OR6Q1: variants seen among roughly 807,000 people sequenced by gnomAD.
The protein encoded by OR6Q1 is olfactory receptor family 6 subfamily Q member 1.
For synonymous variants in OR6Q1, 144 were observed against 148.9 expected (o/e 0.97, Z 0.24); for missense variants, 387 against 381.7 (o/e 1.01, Z -0.12).
chr11:58,031,853 G>T lies in OR6Q1; in HGVS notation c.901G>T (p.Val301Leu), dbSNP rs1853044533. 6.2e-7 allele frequency: 1 copy of T among 1,614,052 alleles called. No homozygotes were observed. Among genetic ancestry groups the T allele is most frequent in the Non-Finnish European group, 8.5e-7 (1 of 1,180,000 alleles). The change falls in exon 1 of 1, where the codon GTG becomes TTG. Residue 301 changes from valine to leucine, a missense_variant. Val to Leu is a conservative substitution (Grantham distance 32). Coordinates refer to ENST00000302622, the MANE Select transcript of OR6Q1 (RefSeq NM_001005186.2). ...CATCTACAGTCTTAGGAACAAGGAA[G>T]TGAAGGGAGCTCTGGGTCGAGTCTT... ...PLIYSLRNKEVKGALGRVFSL... is the reference protein window; with the variant it reads ...PLIYSLRNKELKGALGRVFSL...
rs528605468 is a variant in OR6Q1 at position 58,031,528 on chromosome 11, G to A, written c.576G>A (p.Ser192=). Residue 192 remains serine (S), a synonymous_variant, in exon 1 of 1, where the codon TCG becomes TCA. Transcript: ENST00000302622. ...SCDASPLLAL[S]CSDVTWKETV... ...ATGCCTCACCCTTGCTAGCCTTGTC[G>A]TGCTCAGATGTCACTTGGAAGGAGA... The A allele has an allele frequency of 8.8e-5, 142 of 1,613,996 alleles. No individual in the cohort carries two copies. Among genetic ancestry groups the A allele is most frequent in the South Asian group, 1.1e-4 (10 of 91,070 alleles).
chr11:58,031,669 G>A lies in OR6Q1; in HGVS notation c.717G>A (p.Trp239Ter). The stretch of plus-strand genomic sequence containing the variant: ...ACATCCGCTCAGCTGCTGAGCGCTG[G>A]AAGGCCTTCTCTACCTGTGCAGCTC... ...LLHIRSAAER[W>*]KAFSTCAAHL... The change falls in exon 1 of 1, where the codon TGG becomes TGA. Residue 239 changes from tryptophan to a stop codon, truncating the protein, a stop_gained. Transcript: ENST00000302622. LOFTEE classifies it low-confidence loss of function (END_TRUNC). 1 of 1,613,928 alleles carries A rather than the reference G, an allele frequency of 6.2e-7. No individual in the cohort carries two copies. Among genetic ancestry groups the A allele is most frequent in the Non-Finnish European group, 8.5e-7 (1 of 1,179,864 alleles).
In OR6Q1 at chr11:58,031,708, G is replaced by A. The variant is rs764133566; in HGVS notation, c.756G>A (p.Val252=). The A allele has an allele frequency of 6.2e-7, 1 of 1,614,028 alleles. No homozygotes were observed. The highest frequency in any genetic ancestry group is 2.2e-5 in the East Asian group (1 of 44,880). Residue 252 remains valine (V), a synonymous_variant, in exon 1 of 1, where the codon GTG becomes GTA. Transcript: ENST00000302622. ...CCTGTGCAGCTCACCTGACTGTGGT[G>A]AGCCTCTTCTATGGCACTCTTTTCT... is the stretch of plus-strand genomic sequence containing the variant. ...FSTCAAHLTV[V]SLFYGTLFFM...
rs1235475968 is a variant in OR6Q1 at position 58,031,272 on chromosome 11, T to TCTTCAC, written c.324_329dup (p.Thr109_Phe110dup). On this transcript the variant is annotated inframe_insertion, in exon 1 of 1. Transcript: ENST00000302622. ...GCTGATTGCCTATCCCAGCTCTTCATCTTCACCTTTCTTGGGGCAACTGAG... is the reference window on the plus strand; with the variant it reads ...GCTGATTGCCTATCCCAGCTCTTCATCTTCACCTTCACCTTTCTTGGGGCAACTGAG... 8 of 1,614,042 alleles carry TCTTCAC rather than the reference T, an allele frequency of 5.0e-6. No homozygotes were observed. Among genetic ancestry groups the TCTTCAC allele is most frequent in the Admixed American group, 1.7e-5 (1 of 60,004 alleles).
chr11:58,031,753 G>C lies in OR6Q1; in HGVS notation c.801G>C (p.Lys267Asn). ...TTTTCTTTATGTATGTCCAGACCAA[G>C]GTGACCTCCTCCATCAACTTCAACA... ...GTLFFMYVQT[K>N]VTSSINFNKV... Residue 267 changes from lysine (K) to asparagine (N), a missense_variant, in exon 1 of 1, where the codon AAG (lysine) becomes AAC (asparagine). Lys to Asn is a moderately conservative substitution (Grantham distance 94). Transcript: ENST00000302622. 1 of 1,614,056 alleles carries C rather than the reference G, an allele frequency of 6.2e-7. No homozygotes were observed. Among genetic ancestry groups the C allele is most frequent in the East Asian group, 2.2e-5 (1 of 44,870 alleles).
chr11:58,031,236 A>G lies in OR6Q1; in HGVS notation c.284A>G (p.Asn95Ser), dbSNP rs759571152. The change falls in exon 1 of 1, where the codon AAT becomes AGT. Residue 95 changes from asparagine to serine, a missense_variant. Physicochemically the swap from Asn to Ser is conservative, Grantham distance 46. Transcript: ENST00000302622. ...AGFIGVDGGK[N>S]ISYADCLSQL... Reference sequence around the variant, plus strand: ...TTTATTGGGGTGGATGGTGGCAAGAATATCTCTTATGCTGATTGCCTATCC... The same window carrying G: ...TTTATTGGGGTGGATGGTGGCAAGAGTATCTCTTATGCTGATTGCCTATCC... 6.2e-7 allele frequency: 1 copy of G among 1,614,050 alleles called. No individual in the cohort carries two copies. Among genetic ancestry groups the G allele is most frequent in the African/African-American group, 1.3e-5 (1 of 74,928 alleles).
chr11:58,031,374 C>T lies in OR6Q1; in HGVS notation c.422C>T (p.Ser141Phe), dbSNP rs756655181. ...CMPLHYGAFV[S>F]WGTCIRLAAA... ...CCTCTCCACTATGGGGCTTTTGTGT[C>T]CTGGGGCACCTGCATCCGTCTGGCA... is the stretch of plus-strand genomic sequence containing the variant. Residue 141 changes from serine to phenylalanine, a missense_variant, in exon 1 of 1, where the codon TCC becomes TTC. Transcript: ENST00000302622. The T allele has an allele frequency of 1.7e-5, 27 of 1,614,128 alleles. No individual in the cohort carries two copies. Among genetic ancestry groups the T allele is most frequent in the Non-Finnish European group, 2.2e-5 (26 of 1,180,006 alleles).
rs768143173 is a variant in OR6Q1, at chr11:58,031,282, T to C, written c.330T>C (p.Phe110=). ...DCLSQLFIFT[F]LGATECFLLA... ...TATCCCAGCTCTTCATCTTCACCTT[T>C]CTTGGGGCAACTGAGTGTTTCCTAC... Residue 110 remains phenylalanine (F), a synonymous_variant, in exon 1 of 1, where the codon TTT becomes TTC. Coordinates refer to ENST00000302622, the MANE Select transcript of OR6Q1 (RefSeq NM_001005186.2). 1 of 1,614,040 alleles carries C rather than the reference T, an allele frequency of 6.2e-7. No individual in the cohort carries two copies. The highest frequency in any genetic ancestry group is 8.5e-7 in the Non-Finnish European group (1 of 1,180,018).
chr11:58,031,617 A>G lies in OR6Q1; in HGVS notation c.665A>G (p.Tyr222Cys), dbSNP rs529254367. The G allele has an allele frequency of 4.3e-6, 7 of 1,611,960 alleles. No individual in the cohort carries two copies. The highest frequency in any genetic ancestry group is 2.2e-5 in the East Asian group (1 of 44,860). The change falls in exon 1 of 1, where the codon TAT becomes TGT. Residue 222 changes from tyrosine (Y) to cysteine (C), a missense_variant. Coordinates refer to ENST00000302622, the MANE Select transcript of OR6Q1 (RefSeq NM_001005186.2). ...TCCTCTATGGTCATTGCTGTGTCCT[A>G]TGGCAACATCGTCTGGACACTGCTG... ...LASSMVIAVS[Y>C]GNIVWTLLHI...
Position 58,030,980 on chromosome 11 carries a change from C to T in OR6Q1, c.28C>T (p.Gln10Ter), listed in dbSNP as rs772612832. Residue 10 changes from glutamine (Q) to a stop codon, truncating the protein, a stop_gained, in exon 1 of 1, where the codon CAG becomes TAG. Coordinates refer to ENST00000302622, the MANE Select transcript of OR6Q1 (RefSeq NM_001005186.2). LOFTEE classifies it low-confidence loss of function (END_TRUNC). The part of the protein sequence containing the change: MQPYTKNWT[Q>*]VTEFVMMGFA... ...GCAACCATATACCAAAAACTGGACC[C>T]AGGTAACTGAATTTGTCATGATGGG... is the stretch of plus-strand genomic sequence containing the variant. The T allele has an allele frequency of 6.2e-7, 1 of 1,613,992 alleles. No individual in the cohort carries two copies. The highest frequency in any genetic ancestry group is 8.5e-7 in the Non-Finnish European group (1 of 1,179,854).
Position 58,031,695 on chromosome 11 carries a change from AC to A in OR6Q1, c.745del (p.Leu249Ter). The A allele has an allele frequency of 6.2e-7, 1 of 1,613,972 alleles. No individual in the cohort carries two copies. Among genetic ancestry groups the A allele is most frequent in the African/African-American group, 1.3e-5 (1 of 75,010 alleles). On this transcript the variant is annotated frameshift_variant, in exon 1 of 1. Coordinates refer to ENST00000302622, the MANE Select transcript of OR6Q1 (RefSeq NM_001005186.2). LOFTEE classifies it low-confidence loss of function (END_TRUNC). ...RWKAFSTCAA[H>X]LTVVSLFYGT... ...AAGGCCTTCTCTACCTGTGCAGCTC[AC>A]CTGACTGTGGTGAGCCTCTTCTATG...
chr11:58,031,287 G>T lies in OR6Q1; in HGVS notation c.335G>T (p.Gly112Val). The part of the protein sequence containing the change: ...LSQLFIFTFL[G>V]ATECFLLAAM... ...CAGCTCTTCATCTTCACCTTTCTTG[G>T]GGCAACTGAGTGTTTCCTACTGGCT... Residue 112 changes from glycine (G) to valine (V), a missense_variant, in exon 1 of 1, where the codon GGG becomes GTG. Transcript: ENST00000302622. 6.2e-7 allele frequency: 1 copy of T among 1,613,914 alleles called. No individual in the cohort carries two copies. The highest frequency in any genetic ancestry group is 8.5e-7 in the Non-Finnish European group (1 of 1,179,960).
chr11:58,031,027 A>G lies in OR6Q1; in HGVS notation c.75A>G (p.Ala25=). ...TGGGCTTTGCTGGCATCCATGAAGC[A>G]CACCTCCTCTTCTTCATACTCTTCC... ...VMMGFAGIHE[A]HLLFFILFLT... Residue 25 remains alanine, a synonymous_variant, in exon 1 of 1, where the codon GCA becomes GCG. Transcript: ENST00000302622. 6.2e-7 allele frequency: 1 copy of G among 1,614,162 alleles called. No homozygotes were observed. The highest frequency in any genetic ancestry group is 1.1e-5 in the South Asian group (1 of 91,080).
Position 58,031,464 on chromosome 11 carries a change from C to G in OR6Q1, c.512C>G (p.Thr171Arg). 1 of 1,614,170 alleles carries G rather than the reference C, an allele frequency of 6.2e-7. No individual in the cohort carries two copies. The highest frequency in any genetic ancestry group is 8.5e-7 in the Non-Finnish European group (1 of 1,180,016). ...CCAATCTACCTCTTGTCTCAGCTAA[C>G]ATTTTATGGCCCAAATGTCATTGAC... ...ILPIYLLSQL[T>R]FYGPNVIDHF... The change falls in exon 1 of 1, where the codon ACA becomes AGA. Residue 171 changes from threonine (T) to arginine (R), a missense_variant. Thr to Arg is a moderately conservative substitution (Grantham distance 71, BLOSUM62 -1). Transcript: ENST00000302622.
rs779879692 is a variant in OR6Q1, at chr11:58,031,472, G to A, written c.520G>A (p.Gly174Ser). The A allele has an allele frequency of 6.2e-6, 10 of 1,613,946 alleles. No homozygotes were observed. Among genetic ancestry groups the A allele is most frequent in the East Asian group, 4.5e-5 (2 of 44,886 alleles). Residue 174 changes from glycine to serine, a missense_variant, in exon 1 of 1, where the codon GGC becomes AGC. Gly to Ser is a moderately conservative substitution (Grantham distance 56). Transcript: ENST00000302622. ...CCTCTTGTCTCAGCTAACATTTTAT[G>A]GCCCAAATGTCATTGACCATTTCTC... ...IYLLSQLTFYGPNVIDHFSCD... is the reference protein window; with the variant it reads ...IYLLSQLTFYSPNVIDHFSCD...
At position 58,031,604 on chromosome 11, in the gene OR6Q1, A is replaced by G; in HGVS notation, c.652A>G (p.Ile218Val). 1 of 1,613,748 alleles carries G rather than the reference A, an allele frequency of 6.2e-7. No homozygotes were observed. The highest frequency in any genetic ancestry group is 8.5e-7 in the Non-Finnish European group (1 of 1,179,874). The change falls in exon 1 of 1, where the codon ATT becomes GTT. Residue 218 changes from isoleucine to valine, a missense_variant. Transcript: ENST00000302622. ...TGTGCTACTGGCCTCCTCTATGGTCATTGCTGTGTCCTATGGCAACATCGT... is the reference window on the plus strand; with the variant it reads ...TGTGCTACTGGCCTCCTCTATGGTCGTTGCTGTGTCCTATGGCAACATCGT... ...LAVLLASSMVIAVSYGNIVWT... is the reference protein window; with the variant it reads ...LAVLLASSMVVAVSYGNIVWT...
Position 58,031,496 on chromosome 11 carries a change from T to G in OR6Q1, c.544T>G (p.Ser182Ala), listed in dbSNP as rs1210412726. The G allele has an allele frequency of 6.2e-7, 1 of 1,614,062 alleles. No individual in the cohort carries two copies. Among genetic ancestry groups the G allele is most frequent in the African/African-American group, 1.3e-5 (1 of 74,920 alleles). The change falls in exon 1 of 1, where the codon TCC becomes GCC. Residue 182 changes from serine (S) to alanine (A), a missense_variant. Ser to Ala is a moderately conservative substitution (Grantham distance 99). Transcript: ENST00000302622. ...TGGCCCAAATGTCATTGACCATTTC[T>G]CCTGTGATGCCTCACCCTTGCTAGC... is the stretch of plus-strand genomic sequence containing the variant. ...FYGPNVIDHFSCDASPLLALS... is the reference protein window; with the variant it reads ...FYGPNVIDHFACDASPLLALS...
Position 58,031,026 on chromosome 11 carries a change from C to T in OR6Q1, c.74C>T (p.Ala25Val). 1 of 1,614,132 alleles carries T rather than the reference C, an allele frequency of 6.2e-7. No individual in the cohort carries two copies. The highest frequency in any genetic ancestry group is 8.5e-7 in the Non-Finnish European group (1 of 1,179,964). The change falls in exon 1 of 1, where the codon GCA becomes GTA. Residue 25 changes from alanine to valine, a missense_variant. By Grantham distance (64) the Ala-to-Val change is moderately conservative. Transcript: ENST00000302622. ...ATGGGCTTTGCTGGCATCCATGAAGCACACCTCCTCTTCTTCATACTCTTC... is the reference window on the plus strand; with the variant it reads ...ATGGGCTTTGCTGGCATCCATGAAGTACACCTCCTCTTCTTCATACTCTTC... ...VMMGFAGIHE[A>V]HLLFFILFLT...
Position 58,031,471 on chromosome 11 carries a change from T to C in OR6Q1, c.519T>C (p.Tyr173=), listed in dbSNP as rs758589369. ...ACCTCTTGTCTCAGCTAACATTTTA[T>C]GGCCCAAATGTCATTGACCATTTCT... ...PIYLLSQLTF[Y]GPNVIDHFSC... The change falls in exon 1 of 1, where the codon TAT becomes TAC. Residue 173 remains tyrosine (Y), a synonymous_variant. Transcript: ENST00000302622. 2.8e-5 allele frequency: 46 copies of C among 1,614,184 alleles called. 1 individual carries two copies. In the South Asian group the frequency reaches 4.8e-4, roughly 17 times the overall value.
Sources: gnomAD v4.1 joint callset for allele counts on GRCh38, gnomAD v4.1.1 for gene constraint, MANE v1.5 for transcripts, NCBI Gene and HGNC (gene_info 2026-07-23, HGNC 2026-07-21) for gene names.